The following PARP8 variants were observed in gnomAD, a reference collection of about 807,000 sequenced individuals.
PARP8 encodes the protein protein mono-ADP-ribosyltransferase PARP8.
A neutral mutation model predicts 124.1 loss-of-function variants in PARP8; 51 were observed. The observed-to-expected ratio is 0.41, with a 90% CI of 0.33 to 0.52. PARP8 has a LOEUF of 0.52. PARP8 is among the 20% of genes least tolerant of loss of function. The probability of loss-of-function intolerance (pLI) is 0.21; values close to 1 mark genes in which losing one functional copy is unlikely to be tolerated. For missense variants in PARP8, 860 were observed against 1,018.9 expected (o/e 0.84, Z 2.12); for synonymous variants, 391 against 361.5 (o/e 1.08, Z -0.93).
chr5:50,750,640 A>C (rs1229011009), intron 3 of PARP8, among the ~76,000 whole-genome samples: 1 of 152,118 alleles, frequency 6.6e-6, no homozygotes, highest in East Asian at 1.9e-4. Flanking sequence ...ATAATGTAAA[A>C]CTTACTTGTT....
At chr5:50,774,072 T>G (rs1761908763) in intron 7 of PARP8, among the ~76,000 whole-genome samples, 1 of 152,136 alleles carries the variant, frequency 6.6e-6, no homozygotes, top group East Asian at 1.9e-4. Flanking sequence ...AGCATCTGTT[T>G]AACAAAGCAC....
At chr5:50,702,400 T>G (rs1437983200) in intron 2 of PARP8, among the ~76,000 whole-genome samples, 1 of 152,186 alleles carries the variant, frequency 6.6e-6, no homozygotes, top group Admixed American at 6.5e-5. Context: ...CTCTAGAAAC[T>G]ATCACCTTTA....
At chr5:50,832,955 T>C in intron 23 of PARP8, 101 bp downstream of exon 23, 7 of 1,004,918 alleles carry the variant, frequency 7.0e-6, no homozygotes, top group Non-Finnish European at 1.1e-5. Flanking sequence ...AAAAATTATT[T>C]AATGTGGTCA....
chr5:50,789,598 C>T (rs183832379), intron 10 of PARP8, among the ~76,000 whole-genome samples: 58 of 152,270 alleles, frequency 3.8e-4, no homozygotes, highest in African/African-American at 1.1e-3. Context: ...CATAAAGCCA[C>T]GCCATTTGAA....
Position 50,719,552 on chromosome 5 carries a change from A to G in PARP8, c.147-30599A>G, listed in dbSNP as rs547701964. Among the ~76,000 whole-genome samples the G allele has an allele frequency of 1.1e-4, 16 of 152,168 alleles. No homozygotes were observed. The East Asian group carries it at 2.9e-3, about 28-fold the overall frequency. On this transcript the variant is annotated intron_variant, in intron 2 of 25. Transcript: ENST00000281631. ...TTTATTTTTCTGCATATAGATATCC[A>G]GTTTTCTCAGCAACATTTATTGAAG... is the stretch of plus-strand genomic sequence containing the variant.
chr5:50,833,914 A>G (rs1747271704), intron 23 of PARP8, 65 bp from the exon 24 acceptor site: 1 of 1,374,108 alleles, frequency 7.3e-7, no homozygotes, highest in Non-Finnish European at 1.0e-6. Flanking sequence ...CTTTTTAATG[A>G]TGAACAGCTT....
intron 14 of PARP8, among the ~76,000 whole-genome samples, chr5:50,809,943 A>G (rs1744253788): frequency 6.6e-6 from 1 of 152,044 alleles, no homozygotes; most frequent in Non-Finnish European, 1.5e-5. Context: ...TTCATGGAAA[A>G]CATAAATTTC....
At chr5:50,819,694 G>A (rs1323343288) in intron 15 of PARP8, among the ~76,000 whole-genome samples, 2 of 151,860 alleles carry the variant, frequency 1.3e-5, no homozygotes, top group South Asian at 2.1e-4. Flanking sequence ...TCCCTCCTTG[G>A]CCTCCCAAAC....
chr5:50,779,312 A>G (rs1475619681), intron 9 of PARP8, among the ~76,000 whole-genome samples: 1 of 152,108 alleles, frequency 6.6e-6, no homozygotes, highest in African/African-American at 2.4e-5. Context: ...TAGTGGCTTA[A>G]AAAAACTTCT....
chr5:50,810,181 A>T (rs1172021952), intron 14 of PARP8, among the ~76,000 whole-genome samples: 2 of 151,994 alleles, frequency 1.3e-5, no homozygotes, highest in African/African-American at 4.8e-5. Context: ...GTACGTGTTG[A>T]TAATAGAGGG....
At chr5:50,718,689 C>T (rs1755565990) in intron 2 of PARP8, among the ~76,000 whole-genome samples, 1 of 151,884 alleles carries the variant, frequency 6.6e-6, no homozygotes, top group East Asian at 1.9e-4. Flanking sequence ...CATTGTGTAT[C>T]TGTACCACAT....
At chr5:50,695,598 A>C (rs1405299137) in intron 2 of PARP8, among the ~76,000 whole-genome samples, 1 of 152,202 alleles carries the variant, frequency 6.6e-6, no homozygotes, top group African/African-American at 2.4e-5. Context: ...ATGGTCATTT[A>C]TATCCTGTGA....
At chr5:50,680,673 C>T (rs773573647) in intron 2 of PARP8, among the ~76,000 whole-genome samples, 1 of 152,188 alleles carries the variant, frequency 6.6e-6, no homozygotes, top group Non-Finnish European at 1.5e-5. Context: ...AAGTATGCTT[C>T]ACTTTCATAA....
intron 2 of PARP8, among the ~76,000 whole-genome samples, chr5:50,679,617 C>T (rs886559793): frequency 4.6e-5 from 7 of 152,180 alleles, no homozygotes; most frequent in Admixed American, 2.0e-4. Context: ...TATTGTCTGA[C>T]CCCTTTTTAT....
Position 50,795,114 on chromosome 5 carries a change from A to G in PARP8, c.1125A>G (p.Glu375=). The G allele has an allele frequency of 6.2e-7, 1 of 1,614,216 alleles. No individual in the cohort carries two copies. Among genetic ancestry groups the G allele is most frequent in the Non-Finnish European group, 8.5e-7 (1 of 1,180,032 alleles). The change falls in exon 12 of 26, where the codon GAA becomes GAG. Residue 375 remains glutamate, a synonymous_variant. Transcript: ENST00000281631. ...GCCCTGCAGCTGTTAAGTCAGAGGA[A>G]TGCCTAACTCTAAAGTCGCATAGAC... The part of the protein sequence containing the change: ...RPCPAAVKSE[E]CLTLKSHRLL...
In PARP8 at chr5:50,834,059, A is replaced by C; in HGVS notation, c.2377+11A>C. 1 of 1,603,110 alleles carries C rather than the reference A, an allele frequency of 6.2e-7. No individual in the cohort carries two copies. The highest frequency in any genetic ancestry group is 8.5e-7 in the Non-Finnish European group (1 of 1,170,808). ...TAGCCTTATGTGAAGGTAAGTTGAA[A>C]GTTTTACAAACCTCATAGTGTTAGT... On this transcript the variant is annotated intron_variant, in intron 24 of 25. Transcript: ENST00000281631.
In PARP8 at chr5:50,703,215, C is replaced by T. The variant is rs539265708; in HGVS notation, c.146+35090C>T. 6.5e-4 allele frequency among the ~76,000 whole-genome samples: 98 copies of T among 151,170 alleles called. 1 individual carries two copies. The highest frequency in any genetic ancestry group is 2.3e-3 in the African/African-American group (95 of 41,138). ...ACTTGGGAGGCGGAGGTGGGGAGATCGCTTGAGCCCAAGAAATTGAGGCTA... is the reference window on the plus strand; with the variant it reads ...ACTTGGGAGGCGGAGGTGGGGAGATTGCTTGAGCCCAAGAAATTGAGGCTA... On this transcript the variant is annotated intron_variant, in intron 2 of 25. Transcript: ENST00000281631.
At chr5:50,729,064 C>A (rs1561297184) in intron 2 of PARP8, among the ~76,000 whole-genome samples, 1 of 152,012 alleles carries the variant, frequency 6.6e-6, no homozygotes, top group Admixed American at 6.6e-5. Flanking sequence ...CATTAGTGTG[C>A]GGTTGTTCAA....
chr5:50,768,837 A>T (rs995895865), intron 7 of PARP8, among the ~76,000 whole-genome samples: 1 of 152,214 alleles, frequency 6.6e-6, no homozygotes, highest in Non-Finnish European at 1.5e-5. Flanking sequence ...TCAGTGGGAA[A>T]TATGAAATTA....
Sources: allele counts gnomAD v4.1 joint callset (sites outside exome capture counted in the v4.1 genomes callset), GRCh38; gene constraint gnomAD v4.1.1; transcripts MANE v1.5; gene names NCBI Gene and HGNC (gene_info 2026-07-23, HGNC 2026-07-21).